Variants in ARHGAP25 observed in about 807,000 individuals in gnomAD.
The protein encoded by ARHGAP25 is rho GTPase-activating protein 25.
Under a neutral mutation model 71.0 loss-of-function variants are expected in ARHGAP25, and 34 were observed. The observed-to-expected ratio is 0.48, with a 90% CI of 0.36 to 0.64. The LOEUF (loss-of-function observed/expected upper bound fraction) is 0.64, where lower values mean the gene tolerates loss of function less well. Among genes scored for constraint, ARHGAP25 ranks in the 30% least tolerant of loss-of-function variants. ARHGAP25 has a pLI of 0.00. For missense variants in ARHGAP25, 706 were observed against 805.1 expected, an observed-to-expected ratio of 0.88 and a Z score of 1.49; for synonymous variants, 282 against 296.5, an observed-to-expected ratio of 0.95 and a Z score of 0.50.
chr2:68,816,502 T>C (rs1681244676), intron 7 of ARHGAP25, 140 bp downstream of exon 7: 1 of 671,800 alleles, frequency 1.5e-6, no homozygotes, highest in Admixed American at 2.9e-5. Context: ...CACATAGCAC[T>C]GAAGTAGCTT....
intron 3 of ARHGAP25, among the ~76,000 whole-genome samples, chr2:68,786,953 T>C (rs1433132088): frequency 1.3e-5 from 2 of 152,208 alleles, no homozygotes; most frequent in Non-Finnish European, 2.9e-5. Context: ...TTTAACCAAC[T>C]AAAGAAAATA....
chr2:68,738,599 TGATAGATAAAGGTCCCC>T (rs1487574971), intron 1 of ARHGAP25, among the ~76,000 whole-genome samples: 5 of 152,238 alleles, frequency 3.3e-5, no homozygotes, highest in South Asian at 2.1e-4. Context: ...CTCCGGTCCC[TGATAGATAAAGGTCCCC>T]GATAGATAAA....
intron 4 of ARHGAP25, among the ~76,000 whole-genome samples, chr2:68,788,521 C>A (rs564735219): frequency 5.9e-4 from 90 of 152,346 alleles, no homozygotes; most frequent in African/African-American, 2.0e-3. Flanking sequence ...CAGCATTCAA[C>A]ACTTTTCTGG....
chr2:68,814,691 C>A (rs1317087), intron 6 of ARHGAP25, among the ~76,000 whole-genome samples: 50,934 of 152,048 alleles, frequency 0.33, 8,656 homozygotes, highest in East Asian at 0.43. Context: ...GAAAACACAG[C>A]TGTGAGAACT....
chr2:68,766,163 C>T (rs1204343627), intron 1 of ARHGAP25, among the ~76,000 whole-genome samples: 1 of 152,216 alleles, frequency 6.6e-6, no homozygotes. Flanking sequence ...GTCAGTACTT[C>T]GATTGCTCTT....
chr2:68,811,637 C>G (rs561260530), intron 5 of ARHGAP25, among the ~76,000 whole-genome samples: 1 of 76,744 alleles, frequency 1.3e-5, no homozygotes, highest in Non-Finnish European at 2.6e-5. Flanking sequence ...AGTTCACAGG[C>G]TGCAAAGGGG....
At chr2:68,720,334 GAAAAGA>G (rs1674729983) in intron 2 of ARHGAP25, among the ~76,000 whole-genome samples, 4 of 123,296 alleles carry the variant, frequency 3.2e-5, no homozygotes, top group Admixed American at 3.2e-4. Context: ...AAAAAAAAAA[GAAAAGA>G]AAAGAAAAGA....
chr2:68,740,575 A>T lies in ARHGAP25; in HGVS notation c.61+5315A>T, dbSNP rs543452150. ...AGTTCCTACCCATGCTTTGGTCACA[A>T]TGTAAACATCTTGTCCACGGGGAGT... On this transcript the variant is annotated intron_variant, in intron 1 of 10. Transcript: ENST00000409202. Among the ~76,000 whole-genome samples, 3 of 152,260 alleles carry T rather than the reference A, an allele frequency of 2.0e-5. No homozygotes were observed. The East Asian group carries it at 5.8e-4, about 29-fold the overall frequency.
intron 4 of ARHGAP25, among the ~76,000 whole-genome samples, chr2:68,794,038 T>G (rs1164696901): frequency 6.6e-6 from 1 of 152,164 alleles, no homozygotes; most frequent in Non-Finnish European, 1.5e-5. Context: ...CTATTGTAAA[T>G]CAGAATGCCT....
intron 1 of ARHGAP25, among the ~76,000 whole-genome samples, chr2:68,753,959 G>A (rs1676334188): frequency 1.3e-5 from 2 of 149,976 alleles, no homozygotes; most frequent in African/African-American, 2.5e-5. Flanking sequence ...CTGGAGAGCA[G>A]TGGCCCAATC....
chr2:68,756,309 G>T (rs1216792329), intron 1 of ARHGAP25, among the ~76,000 whole-genome samples: 1 of 152,232 alleles, frequency 6.6e-6, no homozygotes, highest in Non-Finnish European at 1.5e-5. Context: ...AGGGATCTAT[G>T]TTGTGATCAC....
intron 5 of ARHGAP25, among the ~76,000 whole-genome samples, chr2:68,810,647 C>T (rs1680722595): frequency 6.6e-6 from 1 of 151,900 alleles, no homozygotes; most frequent in Admixed American, 6.6e-5. Flanking sequence ...TAAATTTCTC[C>T]TGATTAAACT....
chr2:68,739,178 C>A (rs948486221), intron 1 of ARHGAP25, among the ~76,000 whole-genome samples: 1 of 152,174 alleles, frequency 6.6e-6, no homozygotes, highest in Non-Finnish European at 1.5e-5. Flanking sequence ...GCACAAAATT[C>A]CCCCTGTACA....
rs187526916 is a variant in ARHGAP25 at position 68,720,035 on chromosome 2, T to C, written c.-18+9337T>C. Among the ~76,000 whole-genome samples, 16 of 152,318 alleles carry C rather than the reference T, an allele frequency of 1.1e-4. No individual in the cohort carries two copies. The East Asian group carries it at 2.9e-3, about 28-fold the overall frequency. ...TTGAAAAGGAATCTTTAATGTTACA[T>C]GAAGACCAAATTGATGGTTTCGGTA... is the stretch of plus-strand genomic sequence containing the variant. On this transcript the variant is annotated intron_variant and NMD_transcript_variant, in intron 2 of 7. Transcript: ENST00000463483.
rs752800516 is a variant in ARHGAP25, at chr2:68,819,087, A to G, written c.1004-36A>G. On this transcript the variant is annotated intron_variant, in intron 8 of 10. Coordinates refer to ENST00000409202, the MANE Select transcript of ARHGAP25 (RefSeq NM_001007231.3). ...CTTGAGGACTGACTACCTGCCTCCTACACTACACAACAGATCTTTTTCTTC... is the reference window on the plus strand; with the variant it reads ...CTTGAGGACTGACTACCTGCCTCCTGCACTACACAACAGATCTTTTTCTTC... 3 of 1,502,586 alleles carry G rather than the reference A, an allele frequency of 2.0e-6. No homozygotes were observed. The Admixed American group carries it at 6.7e-5, about 34-fold the overall frequency. 93.1% of individuals were successfully genotyped at this position (1,502,586 alleles called of 1,614,324 possible). A position where few individuals can be genotyped will look rare whatever the true frequency, so the allele number is the denominator to read the frequency against.
At position 68,759,642 on chromosome 2, in the gene ARHGAP25, T is replaced by C. The variant is rs534723755; in HGVS notation, c.62-15579T>C. Among the ~76,000 whole-genome samples, 6 of 152,140 alleles carry C rather than the reference T, an allele frequency of 3.9e-5. No homozygotes were observed. The South Asian group carries it at 8.3e-4, about 21-fold the overall frequency. The stretch of plus-strand genomic sequence containing the variant: ...ATTAAAGACCTGATGTCCTCACCAG[T>C]GTGTTCTACCAAACGTCTAAAGAAG... On this transcript the variant is annotated intron_variant, in intron 1 of 10. Coordinates refer to ENST00000409202, the MANE Select transcript of ARHGAP25 (RefSeq NM_001007231.3).
intron 2 of ARHGAP25, among the ~76,000 whole-genome samples, chr2:68,776,389 G>T (rs1280092216): frequency 1.3e-5 from 2 of 152,206 alleles, no homozygotes; most frequent in African/African-American, 4.8e-5. Context: ...AAAGACAGCT[G>T]TGGCTACTGT....
Position 68,822,802 on chromosome 2 carries a change from C to G in ARHGAP25, c.1663C>G (p.Gln555Glu), listed in dbSNP as rs1370393032. ...NSGEEEIDSL[Q>E]RMVQELRKEI... is the part of the protein sequence containing the mutation. ...TGGAGAAGAGGAAATTGATTCTTTG[C>G]AGAGGATGGTCCAAGAGCTACGAAA... The change falls in exon 10 of 11, where the codon CAG becomes GAG. Residue 555 changes from glutamine (Q) to glutamate (E), a missense_variant. Coordinates refer to ENST00000409202, the MANE Select transcript of ARHGAP25 (RefSeq NM_001007231.3). 5.0e-6 allele frequency: 8 copies of G among 1,614,150 alleles called. 1 individual carries two copies. The South Asian group carries it at 7.7e-5, about 16-fold the overall frequency.
chr2:68,744,357 C>T (rs975814591), intron 1 of ARHGAP25, among the ~76,000 whole-genome samples: 1 of 152,210 alleles, frequency 6.6e-6, no homozygotes, highest in Non-Finnish European at 1.5e-5. Context: ...ATTAGTCCCT[C>T]TCCCTTCTGC....
Sources: allele counts gnomAD v4.1 joint callset (sites outside exome capture counted in the v4.1 genomes callset), GRCh38; gene constraint gnomAD v4.1.1; transcripts MANE v1.5; gene names NCBI Gene and HGNC (gene_info 2026-07-23, HGNC 2026-07-21).